Variants in IMMT observed in about 807,000 individuals in gnomAD.
The protein encoded by IMMT is inner membrane mitochondrial protein.
IMMT carries 40 observed loss-of-function variants against 92.7 expected under a neutral mutation model. That is an observed-to-expected ratio of 0.43 (90% confidence interval 0.34 to 0.56). The LOEUF is 0.56. Ranked by LOEUF, IMMT falls within the 20% of genes least tolerant of loss-of-function variation. IMMT has a pLI of 0.03. For missense variants in IMMT, 831 were observed against 912.1 expected (o/e 0.91, Z 1.14); for synonymous variants, 322 against 336.1 (o/e 0.96, Z 0.46).
chr2:86,151,844 C>A (rs927161750), intron 11 of IMMT, among the ~76,000 whole-genome samples: 4 of 152,180 alleles, frequency 2.6e-5, no homozygotes, highest in South Asian at 2.1e-4. Flanking sequence ...TATACAATCA[C>A]TTCTATATTT....
rs138214907 is a variant in IMMT at position 86,187,433 on chromosome 2, C to T, written c.46-6061G>A. Among the ~76,000 whole-genome samples, 437 of 152,236 alleles carry T rather than the reference C, an allele frequency of 2.9e-3. 3 individuals are homozygous for T. Among genetic ancestry groups the T allele is most frequent in the African/African-American group, 0.01 (421 of 41,544 alleles). On this transcript the variant is annotated intron_variant, in intron 1 of 14. Transcript: ENST00000410111. ...TATGGCTGAATCTAATATTTTATCA[C>T]GTAAATATACCATATTTTGTTTAAC...
chr2:86,178,325 A>AAAG lies in IMMT; in HGVS notation c.309+1107_309+1108insCTT, dbSNP rs1410717619. Among the ~76,000 whole-genome samples the AAAG allele has an allele frequency of 5.9e-4, 86 of 145,596 alleles. 1 individual carries two copies. Among genetic ancestry groups the AAAG allele is most frequent in the Middle Eastern group, 3.5e-3 (1 of 282 alleles). On this transcript the variant is annotated intron_variant, in intron 3 of 14. Transcript: ENST00000410111. ...ACAGCAAGACTCCATCTCAAAAAAAAAAAAAAGAAAAAAAAAAACTGGCCA... is the reference window on the plus strand; with the variant it reads ...ACAGCAAGACTCCATCTCAAAAAAAAAAGAAAAAAGAAAAAAAAAAACTGGCCA...
chr2:86,182,376 C>T (rs185463644), intron 1 of IMMT, among the ~76,000 whole-genome samples: 1 of 152,258 alleles, frequency 6.6e-6, no homozygotes, highest in African/African-American at 2.4e-5. Flanking sequence ...GAAAATCTAT[C>T]ACATGATCAT....
At chr2:86,184,854 T>C (rs1029303983) in intron 1 of IMMT, among the ~76,000 whole-genome samples, 16 of 152,116 alleles carry the variant, frequency 1.1e-4, no homozygotes, top group African/African-American at 3.9e-4. Context: ...AAATTAAGTA[T>C]AGCTGTAGCT....
chr2:86,183,974 T>A (rs1331289408), intron 1 of IMMT, among the ~76,000 whole-genome samples: 1 of 152,220 alleles, frequency 6.6e-6, no homozygotes, highest in South Asian at 2.1e-4. Context: ...TAACACTGTA[T>A]ACACAATTTT....
chr2:86,180,804 T>A (rs112167294), intron 2 of IMMT, among the ~76,000 whole-genome samples: 3 of 151,636 alleles, frequency 2.0e-5, no homozygotes, highest in African/African-American at 7.3e-5. Flanking sequence ...GAAAAATCGC[T>A]TGAACCTGGG....
chr2:86,159,947 T>C (rs1173601874), intron 8 of IMMT: 4 of 226,224 alleles, frequency 1.8e-5, no homozygotes, highest in African/African-American at 2.3e-5. Flanking sequence ...CTTTTTTTTT[T>C]CTTTTTTTTA....
Position 86,144,396 on chromosome 2 carries a change from A to C in IMMT, c.2149T>G (p.Ser717Ala). Reference protein sequence around the residue: ...AKFVNQLKGESRRVAQDWLKE... With the variant: ...AKFVNQLKGEARRVAQDWLKE... ...AGCCAGTCCTGTGCCACTCGTCTGGATTCCCCCTTCAGCTGATTGACAAAC... is the reference window on the plus strand; with the variant it reads ...AGCCAGTCCTGTGCCACTCGTCTGGCTTCCCCCTTCAGCTGATTGACAAAC... Residue 717 changes from serine (S) to alanine (A), a missense_variant, in exon 15 of 15, where the codon TCC becomes GCC. Transcript: ENST00000410111. 6.2e-7 allele frequency: 1 copy of C among 1,613,870 alleles called. No homozygotes were observed. The highest frequency in any genetic ancestry group is 8.5e-7 in the Non-Finnish European group (1 of 1,179,884).
chr2:86,147,088 T>G (rs556153956), intron 13 of IMMT, among the ~76,000 whole-genome samples: 1 of 152,312 alleles, frequency 6.6e-6, no homozygotes, highest in African/African-American at 2.4e-5. Flanking sequence ...GAAAGTAAAT[T>G]ATCTGTACTG....
chr2:86,157,036 GA>G (rs1416591988), intron 10 of IMMT, among the ~76,000 whole-genome samples: 1 of 152,162 alleles, frequency 6.6e-6, no homozygotes, highest in East Asian at 1.9e-4. Context: ...AACCCCTTGA[GA>G]AATTCTGATG....
intron 1 of IMMT, among the ~76,000 whole-genome samples, chr2:86,181,920 A>T (rs982571902): frequency 6.6e-6 from 1 of 152,226 alleles, no homozygotes; most frequent in African/African-American, 2.4e-5. Flanking sequence ...GGTTTATCTT[A>T]GCATATTGTT....
intron 3 of IMMT, among the ~76,000 whole-genome samples, chr2:86,174,733 T>C (rs1187585466): frequency 8.8e-6 from 1 of 113,210 alleles, no homozygotes; most frequent in Non-Finnish European, 2.1e-5. Flanking sequence ...ACCTTGTAAC[T>C]TGCTCTTTTT....
At chr2:86,155,489 C>T (rs1675792705) in intron 10 of IMMT, among the ~76,000 whole-genome samples, 1 of 152,134 alleles carries the variant, frequency 6.6e-6, no homozygotes, top group Non-Finnish European at 1.5e-5. Context: ...ACCAAATTTG[C>T]CTTGTAAGGC....
intron 3 of IMMT, among the ~76,000 whole-genome samples, chr2:86,177,414 C>T (rs564567201): frequency 3.3e-5 from 5 of 151,842 alleles, no homozygotes. Context: ...ACCAGCCTGG[C>T]CAACATGGTG....
chr2:86,190,051 T>C (rs980453728), intron 1 of IMMT, among the ~76,000 whole-genome samples: 4 of 152,226 alleles, frequency 2.6e-5, no homozygotes, highest in Non-Finnish European at 5.9e-5. Context: ...TGAATATATT[T>C]TGTATGTTAT....
Position 86,173,770 on chromosome 2 carries a change from T to TA in IMMT, c.310-10dup. The TA allele has an allele frequency of 7.0e-7, 1 of 1,427,808 alleles. No homozygotes were observed. The highest frequency in any genetic ancestry group is 9.8e-7 in the Non-Finnish European group (1 of 1,020,888). 88.4% of individuals were successfully genotyped at this position (1,427,808 alleles called of 1,614,324 possible). On this transcript the variant is annotated splice_polypyrimidine_tract_variant and intron_variant, in intron 3 of 14. Transcript: ENST00000410111. ...AGTGGACCCGACTGAATCTTGGAAA[T>TA]AAAAAACATTTAACATTTCAGATAT... is the stretch of plus-strand genomic sequence containing the variant.
intron 6 of IMMT, 144 bp downstream of exon 6, chr2:86,170,605 A>G: frequency 3.4e-6 from 2 of 596,352 alleles, no homozygotes; most frequent in Non-Finnish European, 6.0e-6. Flanking sequence ...GAAGGTGATG[A>G]ATAAAGCAAT....
chr2:86,181,590 T>TA (rs919739872), intron 1 of IMMT, among the ~76,000 whole-genome samples: 6 of 151,852 alleles, frequency 4.0e-5, no homozygotes, highest in Middle Eastern at 3.4e-3. Flanking sequence ...CTTTTAATAT[T>TA]AAAAAAAAAT....
chr2:86,176,852 C>T (rs990105419), intron 3 of IMMT, among the ~76,000 whole-genome samples: 7 of 152,336 alleles, frequency 4.6e-5, no homozygotes, highest in African/African-American at 1.7e-4. Context: ...CCTAGAACAG[C>T]TTCCAGCTAT....
Sources: allele counts gnomAD v4.1 joint callset (sites outside exome capture counted in the v4.1 genomes callset), GRCh38; gene constraint gnomAD v4.1.1; transcripts MANE v1.5; gene names NCBI Gene and HGNC (gene_info 2026-07-23, HGNC 2026-07-21).